UBE2D2: variants seen among roughly 807,000 people sequenced by gnomAD.
UBE2D2 encodes the protein ubiquitin conjugating enzyme E2 D2, also known as ubiquitin-conjugating enzyme E2 D2.
UBE2D2 carries 2 observed loss-of-function variants against 24.2 expected under a neutral mutation model. The ratio of observed to expected loss-of-function variants is 0.08; its 90% CI spans 0.03 to 0.26. UBE2D2 has a LOEUF of 0.26. UBE2D2 is among the 10% of genes least tolerant of loss of function. The pLI, the probability that UBE2D2 is intolerant of heterozygous loss-of-function variation, is 1.00. For missense variants in UBE2D2, 44 were observed against 177.6 expected (o/e 0.25, Z 4.28); for synonymous variants, 58 against 56.5 (o/e 1.03, Z -0.12).
rs796678205 is a variant in UBE2D2 at position 139,601,107 on chromosome 5, G to A, written c.88+672G>A. 2.7e-4 allele frequency among the ~76,000 whole-genome samples: 41 copies of A among 152,214 alleles called. 1 individual carries two copies. The highest frequency in any genetic ancestry group is 9.1e-4 in the African/African-American group (38 of 41,564). On this transcript the variant is annotated intron_variant, in intron 2 of 6. Coordinates refer to ENST00000398733, the MANE Select transcript of UBE2D2 (RefSeq NM_003339.3). ...CATGAACCACCACACCTGGCCAAAAGCAGGTCTTTATTTTTAATGTCCAAT... is the reference window on the plus strand; with the variant it reads ...CATGAACCACCACACCTGGCCAAAAACAGGTCTTTATTTTTAATGTCCAAT...
chr5:139,614,796 G>A (rs564151105), intron 4 of UBE2D2, 22 bp downstream of exon 4: 2 of 1,612,842 alleles, frequency 1.2e-6, no homozygotes, highest in East Asian at 2.2e-5. Context: ...GAATGTGGCA[G>A]TTTTTAATGT....
chr5:139,614,929 A>G lies in UBE2D2; in HGVS notation c.267A>G (p.Leu89=). The G allele has an allele frequency of 8.1e-6, 13 of 1,614,000 alleles. No homozygotes were observed. The highest frequency in any genetic ancestry group is 1.0e-5 in the Non-Finnish European group (12 of 1,179,952). Residue 89 remains leucine (L), a synonymous_variant, in exon 5 of 7, where the codon CTA becomes CTG. Coordinates refer to ENST00000398733, the MANE Select transcript of UBE2D2 (RefSeq NM_003339.3). ...ATGGCAGCATTTGTCTTGATATTCT[A>G]CGATCACAGTGGTCTCCAGCACTAA... is the stretch of plus-strand genomic sequence containing the variant. The part of the protein sequence containing the change: ...NSNGSICLDI[L]RSQWSPALTI...
Position 139,626,749 on chromosome 5 carries a change from T to C in UBE2D2, c.399-7T>C, listed in dbSNP as rs762833074. 1 of 1,613,620 alleles carries C rather than the reference T, an allele frequency of 6.2e-7. No homozygotes were observed. The highest frequency in any genetic ancestry group is 2.2e-5 in the East Asian group (1 of 44,872). ...ATGTTAAGCCAAGCTTCTCTTTGTG[T>C]GTACAGGTACAACAGAATAGCTCGG... On this transcript the variant is annotated splice_polypyrimidine_tract_variant and splice_region_variant and intron_variant, in intron 6 of 6. Coordinates refer to ENST00000398733, the MANE Select transcript of UBE2D2 (RefSeq NM_003339.3).
intron 2 of UBE2D2, among the ~76,000 whole-genome samples, chr5:139,606,025 G>A (rs1025327614): frequency 2.6e-5 from 4 of 152,052 alleles, no homozygotes; most frequent in Non-Finnish European, 5.9e-5. Context: ...TTGCAGCTGC[G>A]AGCTACCGCA....
intron 6 of UBE2D2, among the ~76,000 whole-genome samples, chr5:139,626,131 C>T (rs560743966): frequency 8.6e-5 from 13 of 151,920 alleles, no homozygotes; most frequent in African/African-American, 2.9e-4. Context: ...TACAGTATTG[C>T]AATCTCAGCT....
intron 2 of UBE2D2, among the ~76,000 whole-genome samples, chr5:139,600,753 T>C (rs918376371): frequency 5.9e-5 from 9 of 152,206 alleles, no homozygotes; most frequent in African/African-American, 2.2e-4. Context: ...TGATAGTATG[T>C]GTGTCTGTGT....
At chr5:139,602,205 C>T (rs1754093862) in intron 2 of UBE2D2, among the ~76,000 whole-genome samples, 1 of 152,114 alleles carries the variant, frequency 6.6e-6, no homozygotes, top group Non-Finnish European at 1.5e-5. Context: ...GCACCTGCCA[C>T]CACACCTGGC....
chr5:139,548,193 A>AAAAAAAAAATAAATAAAT lies in UBE2D2; in HGVS notation c.-64+21584_-64+21585insAAAAAATAAATAAATAAA. ...AAAAAAAAAAAAAAAATAAAAAAAA[A>AAAAAAAAAATAAATAAAT]AAATAAATAAATAAATAAATAAACG... On this transcript the variant is annotated intron_variant, in intron 1 of 6. Coordinates refer to the UBE2D2 transcript ENST00000511725. Among the ~76,000 whole-genome samples the AAAAAAAAAATAAATAAAT allele has an allele frequency of 5.6e-3, 261 of 46,900 alleles. 14 individuals carry two copies. Among genetic ancestry groups the AAAAAAAAAATAAATAAAT allele is most frequent in the Non-Finnish European group, 7.3e-3 (192 of 26,226 alleles). 30.8% of individuals were successfully genotyped at this position (46,900 alleles called of 152,430 possible).
chr5:139,597,177 C>T (rs1753980013), intron 1 of UBE2D2, among the ~76,000 whole-genome samples: 1 of 152,078 alleles, frequency 6.6e-6, no homozygotes, highest in South Asian at 2.1e-4. Context: ...TTGAACATTT[C>T]TATCACTCCT....
chr5:139,616,088 C>G (rs1754414288), intron 5 of UBE2D2, among the ~76,000 whole-genome samples: 2 of 149,870 alleles, frequency 1.3e-5, no homozygotes, highest in African/African-American at 4.9e-5. Flanking sequence ...CCTGCCTCGG[C>G]CTCCCAAAGC....
At chr5:139,540,597 A>G (rs1752747477) in intron 1 of UBE2D2, among the ~76,000 whole-genome samples, 1 of 151,746 alleles carries the variant, frequency 6.6e-6, no homozygotes, top group African/African-American at 2.4e-5. Flanking sequence ...TTATTATCCC[A>G]GTATACCTTA....
chr5:139,528,040 C>T (rs573059838), intron 1 of UBE2D2, among the ~76,000 whole-genome samples: 2 of 152,236 alleles, frequency 1.3e-5, no homozygotes, highest in Admixed American at 6.5e-5. Flanking sequence ...TCTGCTATAT[C>T]CCAAAGTCTC....
chr5:139,592,979 C>A (rs966255764), intron 1 of UBE2D2, among the ~76,000 whole-genome samples: 2 of 148,494 alleles, frequency 1.3e-5, no homozygotes, highest in African/African-American at 5.0e-5. Flanking sequence ...ACATGATTCT[C>A]AGACATTTCT....
intron 1 of UBE2D2, among the ~76,000 whole-genome samples, chr5:139,533,898 T>G (rs1752629589): frequency 6.7e-6 from 1 of 150,250 alleles, no homozygotes; most frequent in South Asian, 2.1e-4. Context: ...TTCTCCTGCC[T>G]CAGCCTCCCG....
At chr5:139,619,346 A>G (rs1455505622) in intron 5 of UBE2D2, among the ~76,000 whole-genome samples, 2 of 151,728 alleles carry the variant, frequency 1.3e-5, no homozygotes, top group African/African-American at 2.4e-5. Context: ...CAGTGAGCCA[A>G]CATCACACCA....
intron 1 of UBE2D2, among the ~76,000 whole-genome samples, chr5:139,527,826 G>A (rs959366124): frequency 2.0e-5 from 3 of 152,228 alleles, no homozygotes; most frequent in Admixed American, 2.0e-4. Context: ...TATTAAGACA[G>A]ATGCAAATTC....
chr5:139,558,413 G>A (rs1430272291), upstream of UBE2D2, among the ~76,000 whole-genome samples: 2 of 152,072 alleles, frequency 1.3e-5, no homozygotes, highest in South Asian at 2.1e-4. Context: ...TCAGCCTCCT[G>A]AGTAGCTGGG....
At chr5:139,537,731 A>G (rs111417076) in intron 1 of UBE2D2, among the ~76,000 whole-genome samples, 11,683 of 151,714 alleles carry the variant, frequency 0.077, 536 homozygotes, top group South Asian at 0.11. Flanking sequence ...TTGGGAGGCC[A>G]AGGTGGGCGG....
At chr5:139,562,047 C>A in intron 1 of UBE2D2, 1 of 802,524 alleles carries the variant, frequency 1.2e-6, no homozygotes, top group Non-Finnish European at 1.8e-6. Flanking sequence ...TCCCCGGCTG[C>A]CCTTCCAGGC....
Sources: gnomAD v4.1 joint callset for allele counts (sites outside exome capture counted in the v4.1 genomes callset) on GRCh38, gnomAD v4.1.1 for gene constraint, MANE v1.5 for transcripts, NCBI Gene and HGNC (gene_info 2026-07-23, HGNC 2026-07-21) for gene names.